ADGRV1: variants seen among roughly 807,000 people sequenced by gnomAD.
ADGRV1 encodes the protein G-protein coupled receptor 98.
Under a neutral mutation model 596.2 loss-of-function variants are expected in ADGRV1, and 359 were observed. That is an observed-to-expected ratio of 0.60 (90% CI 0.55 to 0.66). ADGRV1 has a LOEUF of 0.66. Among genes scored for constraint, ADGRV1 ranks in the 30% least tolerant of loss-of-function variants. The probability of loss-of-function intolerance (pLI) is 0.00; values close to 1 mark genes in which losing one functional copy is unlikely to be tolerated. For synonymous variants in ADGRV1, 2,681 were observed against 2,679.2 expected (o/e 1.00, Z -0.02); for missense variants, 7,274 against 7,575.6 (o/e 0.96, Z 1.48).
At chr5:90,780,042 A>G (rs967263655) in intron 64 of ADGRV1, 2 of 152,234 alleles carry the variant, frequency 1.3e-5, no homozygotes, top group Non-Finnish European at 2.9e-5. Context: ...TTGTACTCCT[A>G]GTAAATATAG....
chr5:90,596,836 G>GGAGAGGGAGAGC (rs1277692576), intron 1 of ADGRV1, among the ~76,000 whole-genome samples: 1 of 150,684 alleles, frequency 6.6e-6, no homozygotes, highest in South Asian at 2.1e-4. Flanking sequence ...AGAGGGCGAG[G>GGAGAGGGAGAGC]GAGAGGGAGA....
At chr5:90,595,993 C>CA (rs1358697307) in intron 1 of ADGRV1, among the ~76,000 whole-genome samples, 1 of 146,996 alleles carries the variant, frequency 6.8e-6, no homozygotes, top group Non-Finnish European at 1.5e-5. Flanking sequence ...ACTTTTCAGA[C>CA]GGGGCGGCTG....
chr5:91,032,282 G>A (rs1346565587), intron 85 of ADGRV1, among the ~76,000 whole-genome samples: 2 of 152,222 alleles, frequency 1.3e-5, no homozygotes, highest in Non-Finnish European at 2.9e-5. Context: ...TAAGGATAGT[G>A]AGTCTGAGTT....
chr5:90,911,173 T>G (rs961297114), intron 83 of ADGRV1, among the ~76,000 whole-genome samples: 1 of 152,188 alleles, frequency 6.6e-6, no homozygotes, highest in Non-Finnish European at 1.5e-5. Flanking sequence ...AAGAAAGTAA[T>G]TATGGCTGTA....
intron 4 of ADGRV1, among the ~76,000 whole-genome samples, chr5:90,621,635 C>A (rs1028886942): frequency 2.0e-5 from 3 of 152,100 alleles, no homozygotes; most frequent in African/African-American, 7.2e-5. Context: ...CATTATATAT[C>A]TTAGCCTATG....
Position 90,614,768 on chromosome 5 carries a change from A to T in ADGRV1, c.23-67A>T. On this transcript the variant is annotated intron_variant, in intron 1 of 89. Coordinates refer to ENST00000405460, the MANE Select transcript of ADGRV1 (RefSeq NM_032119.4). ...CTTCATACTATGTTTATATCTATAG[A>T]CAATACAATCTAATGAGAATAGATT... The T allele has an allele frequency of 4.4e-6, 5 of 1,133,378 alleles. No individual in the cohort carries two copies. In the South Asian group the frequency reaches 5.3e-5, roughly 12 times the overall value. The allele number at this position is 1,133,378 out of a possible 1,614,324, so 70.2% of individuals were successfully genotyped here.
chr5:90,712,176 A>T, intron 41 of ADGRV1, 111 bp from the exon 42 acceptor site: 1 of 618,400 alleles, frequency 1.6e-6, no homozygotes, highest in Non-Finnish European at 2.6e-6. Flanking sequence ...ATTCAATGTA[A>T]AATAGCTTAT....
intron 21 of ADGRV1, among the ~76,000 whole-genome samples, chr5:90,666,467 G>T (rs1359381680): frequency 6.6e-6 from 1 of 151,622 alleles, no homozygotes; most frequent in African/African-American, 2.4e-5. Flanking sequence ...CATTTGCTTG[G>T]TAGATTTTCC....
chr5:90,740,085 G>A (rs1269810373), intron 50 of ADGRV1, among the ~76,000 whole-genome samples: 1 of 152,186 alleles, frequency 6.6e-6, no homozygotes. Flanking sequence ...TTGGAGCGAA[G>A]TTAAGGAAAG....
At chr5:91,107,639 A>G (rs1278206155) in intron 87 of ADGRV1, among the ~76,000 whole-genome samples, 1 of 152,192 alleles carries the variant, frequency 6.6e-6, no homozygotes, top group Admixed American at 6.5e-5. Flanking sequence ...TTAAAAAGGT[A>G]TGGAGCAGTT....
intron 85 of ADGRV1, among the ~76,000 whole-genome samples, chr5:91,008,068 AC>A (rs770781344): frequency 2.4e-4 from 37 of 152,118 alleles, no homozygotes; most frequent in Admixed American, 1.3e-4. Flanking sequence ...AATGGCTTTA[AC>A]CCCTATTTTA....
Position 90,810,638 on chromosome 5 carries a change from T to C in ADGRV1, c.15378T>C (p.Asp5126=). 6.2e-7 allele frequency: 1 copy of C among 1,613,958 alleles called. No homozygotes were observed. The highest frequency in any genetic ancestry group is 8.5e-7 in the Non-Finnish European group (1 of 1,179,868). ...DFSVAVITIL[D]NDDLAGMDIS... ...GTGTTGCAGTGATTACAATATTGGA[T>C]AATGATGACCTGGCAGGAATGGATA... The change falls in exon 74 of 90, where the codon GAT becomes GAC. Residue 5126 remains aspartate (D), a synonymous_variant. Coordinates refer to ENST00000405460, the MANE Select transcript of ADGRV1 (RefSeq NM_032119.4).
At chr5:90,786,044 A>T (rs1759404913) in intron 67 of ADGRV1, among the ~76,000 whole-genome samples, 1 of 152,200 alleles carries the variant, frequency 6.6e-6, no homozygotes, top group Non-Finnish European at 1.5e-5. Context: ...AATGTGGCAC[A>T]TATACACCAT....
intron 75 of ADGRV1, 148 bp from the exon 76 acceptor site, chr5:90,823,277 A>G: frequency 1.3e-6 from 1 of 767,676 alleles, no homozygotes; most frequent in Non-Finnish European, 2.1e-6. Context: ...TTTCTGCATC[A>G]TCAGTGGTAA....
At chr5:91,003,182 A>T (rs1385065463) in intron 85 of ADGRV1, among the ~76,000 whole-genome samples, 1 of 152,190 alleles carries the variant, frequency 6.6e-6, no homozygotes, top group Non-Finnish European at 1.5e-5. Context: ...GCATAAGAAA[A>T]GGTGGTACTC....
intron 34 of ADGRV1, among the ~76,000 whole-genome samples, chr5:90,699,353 A>G (rs1039347514): frequency 2.0e-5 from 3 of 152,202 alleles, no homozygotes; most frequent in Admixed American, 6.5e-5. Flanking sequence ...TGGCTATAAC[A>G]GCAAGGAGAG....
intron 1 of ADGRV1, among the ~76,000 whole-genome samples, chr5:90,612,805 ACTCAT>A (rs1297080814): frequency 2.6e-5 from 4 of 152,044 alleles, no homozygotes; most frequent in Non-Finnish European, 5.9e-5. Flanking sequence ...TCAGTAGTTA[ACTCAT>A]AACTACAAAT....
intron 72 of ADGRV1, 99 bp from the exon 73 acceptor site, chr5:90,807,503 A>G: frequency 8.4e-7 from 1 of 1,192,626 alleles, no homozygotes; most frequent in African/African-American, 1.5e-5. Flanking sequence ...CTATAATTGA[A>G]TTTTGGAAAA....
At chr5:91,047,350 G>A (rs1785922289) in intron 85 of ADGRV1, among the ~76,000 whole-genome samples, 1 of 152,154 alleles carries the variant, frequency 6.6e-6, no homozygotes, top group Non-Finnish European at 1.5e-5. Flanking sequence ...TTGTTAAGGA[G>A]TATTAACTCA....
Sources: gnomAD v4.1 joint callset for allele counts (sites outside exome capture counted in the v4.1 genomes callset) on GRCh38, gnomAD v4.1.1 for gene constraint, MANE v1.5 for transcripts, NCBI Gene and HGNC (gene_info 2026-07-23, HGNC 2026-07-21) for gene names.